The following ING3 variants were observed in gnomAD, a reference collection of about 807,000 sequenced individuals.
ING3 encodes inhibitor of growth family member 3, also known as inhibitor of growth protein 3.
ING3 carries 6 observed loss-of-function variants against 64.8 expected under a neutral mutation model. The ratio of observed to expected loss-of-function variants is 0.09; its 90% CI spans 0.05 to 0.18. ING3 has a LOEUF of 0.18. Among genes scored for constraint, ING3 ranks in the 10% least tolerant of loss-of-function variants. The probability of loss-of-function intolerance (pLI) is 1.00; values close to 1 mark genes in which losing one functional copy is unlikely to be tolerated. For missense variants in ING3, 310 were observed against 489.7 expected, an observed-to-expected ratio of 0.63 and a Z score of 3.46; for synonymous variants, 170 against 173.7, an observed-to-expected ratio of 0.98 and a Z score of 0.17.
In ING3 at chr7:120,976,403, T is replaced by C. The variant is rs1411146006; in HGVS notation, c.*1559T>C. 1 of 152,124 alleles carries C rather than the reference T, an allele frequency of 6.6e-6. No homozygotes were observed. The allele number at this position is 152,124 out of a possible 1,614,324, so 9.4% of individuals were successfully genotyped here. On this transcript the variant is annotated 3_prime_UTR_variant, in exon 12 of 12. Coordinates refer to ENST00000315870, the MANE Select transcript of ING3 (RefSeq NM_019071.3). ...GATCTCTTCCACCTTTGAGATCCCA[T>C]GATTCTGAGCTGCCACAGTCTGATT... is the stretch of plus-strand genomic sequence containing the variant.
rs1172880827 is a variant in ING3, at chr7:120,976,323, T to C, written c.*1479T>C. The C allele has an allele frequency of 1.3e-5, 2 of 152,086 alleles. No homozygotes were observed. Among genetic ancestry groups the C allele is most frequent in the Non-Finnish European group, 2.9e-5 (2 of 67,984 alleles). The allele number at this position is 152,086 out of a possible 1,614,324, so 9.4% of individuals were successfully genotyped here. A position where few individuals can be genotyped will look rare whatever the true frequency, so the allele number is the denominator to read the frequency against. On this transcript the variant is annotated 3_prime_UTR_variant, in exon 12 of 12. Coordinates refer to ENST00000315870, the MANE Select transcript of ING3 (RefSeq NM_019071.3). ...TTCTTAGAACTTATTCAGATAACAGTGTAAAATCTATGCAGTGCTACCCAA... is the reference window on the plus strand; with the variant it reads ...TTCTTAGAACTTATTCAGATAACAGCGTAAAATCTATGCAGTGCTACCCAA...
Position 120,964,770 on chromosome 7 carries a change from A to G in ING3, c.296A>G (p.Gln99Arg), listed in dbSNP as rs1388103074. The change falls in exon 5 of 12, where the codon CAG becomes CGG. Residue 99 changes from glutamine (Q) to arginine (R), a missense_variant. Physicochemically the swap from Gln to Arg is conservative, Grantham distance 43. Coordinates refer to ENST00000315870, the MANE Select transcript of ING3 (RefSeq NM_019071.3). ...LVDRHLRKLD[Q>R]ELAKFKMELE... ...GATCGACACTTGAGAAAGCTGGATC[A>G]GGAACTGGCTAAGTTTAAAATGGAG... 6.2e-7 allele frequency: 1 copy of G among 1,613,736 alleles called. No individual in the cohort carries two copies. Among genetic ancestry groups the G allele is most frequent in the Non-Finnish European group, 8.5e-7 (1 of 1,179,714 alleles).
At chr7:120,971,010 T>G in intron 10 of ING3, 130 bp downstream of exon 10, 3 of 1,004,402 alleles carry the variant, frequency 3.0e-6, no homozygotes, top group Non-Finnish European at 2.9e-6. Flanking sequence ...TTCTCCCCCT[T>G]CTTACAAAAG....
chr7:120,970,800 G>C lies in ING3; in HGVS notation c.1021G>C (p.Val341Leu). ...ACAAGAAATCTCTCAACAAACAACT[G>C]TAGTGCCAGAATCTGATTCAAATAG... Reference protein sequence around the residue: ...VVQEISQQTTVVPESDSNSQV... With the variant: ...VVQEISQQTTLVPESDSNSQV... Residue 341 changes from valine (V) to leucine (L), a missense_variant, in exon 10 of 12, where the codon GTA becomes CTA. By Grantham distance (32) the Val-to-Leu change is conservative. This residue lies in a region of ING3 where 233 missense variants were observed against 289.4 expected (regional missense o/e 0.81). Coordinates refer to ENST00000315870, the MANE Select transcript of ING3 (RefSeq NM_019071.3). The C allele has an allele frequency of 6.2e-7, 1 of 1,613,904 alleles. No homozygotes were observed. Among genetic ancestry groups the C allele is most frequent in the Non-Finnish European group, 8.5e-7 (1 of 1,179,868 alleles).
chr7:120,952,753 AT>A, intron 2 of ING3, among the ~76,000 whole-genome samples: 1 of 151,736 alleles, frequency 6.6e-6, no homozygotes, highest in African/African-American at 2.4e-5. Flanking sequence ...TTTTTTATTA[AT>A]TTTTCCTTTT....
At chr7:120,972,140 A>G (rs1400209591) in intron 10 of ING3, among the ~76,000 whole-genome samples, 5 of 152,068 alleles carry the variant, frequency 3.3e-5, no homozygotes. Context: ...AATTTTATGT[A>G]GTTATGACTG....
In ING3 at chr7:120,968,889, A is replaced by G. The variant is rs1584994278; in HGVS notation, c.715-122A>G. 15 of 588,272 alleles carry G rather than the reference A, an allele frequency of 2.5e-5. No homozygotes were observed. In the East Asian group the frequency reaches 4.9e-4, roughly 19 times the overall value. The allele number at this position is 588,272 out of a possible 1,614,324, so 36.4% of individuals were successfully genotyped here. A position where few individuals can be genotyped will look rare whatever the true frequency, so the allele number is the denominator to read the frequency against. On this transcript the variant is annotated intron_variant, in intron 8 of 11. Coordinates refer to ENST00000315870, the MANE Select transcript of ING3 (RefSeq NM_019071.3). ...AAGCTTAAATTCCAGTGATGAAAATAATAGTTTAAACAATATAAATTAACA... is the reference window on the plus strand; with the variant it reads ...AAGCTTAAATTCCAGTGATGAAAATGATAGTTTAAACAATATAAATTAACA...
At chr7:120,959,553 A>G (rs1271704714) in intron 4 of ING3, among the ~76,000 whole-genome samples, 1 of 147,710 alleles carries the variant, frequency 6.8e-6, no homozygotes, top group Non-Finnish European at 1.5e-5. Flanking sequence ...TCTAAATCTC[A>G]CATGAACCAC....
intron 4 of ING3, among the ~76,000 whole-genome samples, chr7:120,962,178 T>G (rs1242980751): frequency 6.6e-6 from 1 of 152,222 alleles, no homozygotes; most frequent in African/African-American, 2.4e-5. Context: ...TTAATTCTTG[T>G]GGTCAATGGG....
chr7:120,961,866 CTG>C (rs1294005493), intron 4 of ING3, among the ~76,000 whole-genome samples: 2 of 152,180 alleles, frequency 1.3e-5, no homozygotes, highest in Non-Finnish European at 2.9e-5. Context: ...TAATTAGACT[CTG>C]TGGTTAGCCC....
chr7:120,952,930 TAAAAG>T (rs1446438057), intron 2 of ING3, among the ~76,000 whole-genome samples: 4 of 152,130 alleles, frequency 2.6e-5, no homozygotes, highest in African/African-American at 9.6e-5. Context: ...TTTTTCTTGT[TAAAAG>T]AAATGTGAGG....
At position 120,974,694 on chromosome 7, in the gene ING3, C is replaced by T. The variant is rs762274216; in HGVS notation, c.1141-34C>T. ...ATATACTCTCTTGTCTTCAGAAGTA[C>T]TGAAAACTTGTTTTTTGCAATTTTG... On this transcript the variant is annotated intron_variant, in intron 11 of 11. Transcript: ENST00000315870. 3.9e-6 allele frequency: 5 copies of T among 1,272,986 alleles called. No individual in the cohort carries two copies. In the Admixed American group the frequency reaches 5.1e-5, roughly 13 times the overall value. The allele number at this position is 1,272,986 out of a possible 1,614,324, so 78.9% of individuals were successfully genotyped here.
At chr7:120,971,350 G>A (rs1000741172) in intron 10 of ING3, among the ~76,000 whole-genome samples, 1 of 152,108 alleles carries the variant, frequency 6.6e-6, no homozygotes, top group Non-Finnish European at 1.5e-5. Flanking sequence ...TTTCTTATAA[G>A]GGCACCAGCC....
At position 120,953,396 on chromosome 7, in the gene ING3, A is replaced by G; in HGVS notation, c.193A>G (p.Ile65Val). ...PEWREEQMAS[I>V]KKDYYKALED... ...GTGGAGGGAAGAGCAAATGGCATCCATCAAAAAAGTATGTGCAACACTTTG... is the reference window on the plus strand; with the variant it reads ...GTGGAGGGAAGAGCAAATGGCATCCGTCAAAAAAGTATGTGCAACACTTTG... Residue 65 changes from isoleucine (I) to valine (V), a missense_variant, in exon 3 of 12, where the codon ATC (isoleucine) becomes GTC (valine). Ile to Val is a conservative substitution (Grantham distance 29). Transcript: ENST00000315870. 6.3e-7 allele frequency: 1 copy of G among 1,591,692 alleles called. No homozygotes were observed.
chr7:120,955,726 T>G, intron 4 of ING3, 102 bp downstream of exon 4: 1 of 757,794 alleles, frequency 1.3e-6, no homozygotes, highest in Non-Finnish European at 2.3e-6. Flanking sequence ...CAACTAAAAC[T>G]GAAGTATTGC....
At chr7:120,973,133 C>A in intron 10 of ING3, 72 bp from the exon 11 acceptor site, 1 of 732,690 alleles carries the variant, frequency 1.4e-6, no homozygotes, top group African/African-American at 1.8e-5. Context: ...CAGTATCATA[C>A]ATAAACAGTT....
At chr7:120,965,127 G>A (rs886729603) in intron 5 of ING3, among the ~76,000 whole-genome samples, 1 of 152,042 alleles carries the variant, frequency 6.6e-6, no homozygotes, top group Non-Finnish European at 1.5e-5. Context: ...TGTAACCATC[G>A]GGAGACAAAT....
intron 4 of ING3, among the ~76,000 whole-genome samples, chr7:120,957,866 C>T (rs1795874229): frequency 6.6e-6 from 1 of 152,160 alleles, no homozygotes; most frequent in African/African-American, 2.4e-5. Flanking sequence ...GACACCATGA[C>T]TTTGGAAAAG....
At chr7:120,962,361 C>T (rs988199790) in intron 4 of ING3, among the ~76,000 whole-genome samples, 3 of 151,516 alleles carry the variant, frequency 2.0e-5, no homozygotes, top group African/African-American at 7.3e-5. Context: ...GTGGTTAAGG[C>T]TTTTCTGTCT....
Sources: allele counts gnomAD v4.1 joint callset (sites outside exome capture counted in the v4.1 genomes callset), GRCh38; gene constraint gnomAD v4.1.1; regional missense constraint gnomAD v4.1.1; transcripts MANE v1.5; gene names NCBI Gene and HGNC (gene_info 2026-07-23, HGNC 2026-07-21).